Variants in FBXL17 observed in about 807,000 individuals in gnomAD.
FBXL17 encodes the protein F-box and leucine rich repeat protein 17, also known as F-box/LRR-repeat protein 17.
Under a neutral mutation model 66.2 loss-of-function variants are expected in FBXL17, and 22 were observed. The observed-to-expected ratio is 0.33, with a 90% CI of 0.24 to 0.47. The LOEUF (loss-of-function observed/expected upper bound fraction) is 0.47. Ranked by LOEUF, FBXL17 falls within the 20% of genes least tolerant of loss-of-function variation. FBXL17 has a pLI of 1.00. For missense variants in FBXL17, 878 were observed against 948.2 expected (o/e 0.93, Z 0.97); for synonymous variants, 474 against 400.5 (o/e 1.18, Z -2.19).
At chr5:108,196,892 T>C (rs78835317) in intron 5 of FBXL17, among the ~76,000 whole-genome samples, 2 of 152,220 alleles carry the variant, frequency 1.3e-5, no homozygotes, top group Non-Finnish European at 2.9e-5. Flanking sequence ...AACTTTTTTT[T>C]AAGAGCCTCT....
chr5:108,036,577 T>C (rs1746849539), intron 6 of FBXL17, among the ~76,000 whole-genome samples: 1 of 152,174 alleles, frequency 6.6e-6, no homozygotes, highest in Non-Finnish European at 1.5e-5. Flanking sequence ...CAAGCGCTTA[T>C]GTCTTCTCAT....
At chr5:108,162,320 T>G (rs1752246937) in intron 6 of FBXL17, among the ~76,000 whole-genome samples, 1 of 151,792 alleles carries the variant, frequency 6.6e-6, no homozygotes, top group African/African-American at 2.4e-5. Flanking sequence ...TAAGACTCCA[T>G]CTCCATAAAA....
intron 7 of FBXL17, among the ~76,000 whole-genome samples, chr5:107,894,281 G>C (rs1749299332): frequency 6.6e-6 from 1 of 152,176 alleles, no homozygotes; most frequent in Non-Finnish European, 1.5e-5. Flanking sequence ...ATGAGACAGG[G>C]AAGAAGCAGC....
At chr5:108,103,342 T>G (rs1749671839) in intron 6 of FBXL17, among the ~76,000 whole-genome samples, 1 of 152,354 alleles carries the variant, frequency 6.6e-6, no homozygotes, top group East Asian at 1.9e-4. Context: ...TGCTTTCCAG[T>G]GGCATAAAGA....
chr5:108,113,108 T>C (rs966740811), intron 6 of FBXL17, among the ~76,000 whole-genome samples: 4 of 152,216 alleles, frequency 2.6e-5, no homozygotes, highest in African/African-American at 9.6e-5. Flanking sequence ...GTCTTTCTCA[T>C]ACTTCTTACT....
chr5:107,878,575 C>G (rs1748684664), intron 8 of FBXL17: 19 of 978,948 alleles, frequency 1.9e-5, no homozygotes, highest in Non-Finnish European at 2.3e-5. Flanking sequence ...TCTCCGCAGA[C>G]CATACCGTTG....
intron 6 of FBXL17, among the ~76,000 whole-genome samples, chr5:108,090,236 T>C (rs1749138494): frequency 6.6e-6 from 1 of 152,242 alleles, no homozygotes; most frequent in Non-Finnish European, 1.5e-5. Context: ...TGACAAATTA[T>C]AGACATCTTA....
At chr5:108,183,105 A>G (rs1162258813) in intron 6 of FBXL17, among the ~76,000 whole-genome samples, 1 of 130,592 alleles carries the variant, frequency 7.7e-6, no homozygotes, top group Non-Finnish European at 1.5e-5. Context: ...CAATGGTGTG[A>G]TCTTGGCTCA....
chr5:107,866,601 C>T (rs1052938307), intron 8 of FBXL17, among the ~76,000 whole-genome samples: 4 of 152,172 alleles, frequency 2.6e-5, no homozygotes, highest in African/African-American at 4.8e-5. Flanking sequence ...TTATTAATTT[C>T]CGCAGAAAGT....
In FBXL17 at chr5:108,103,852, G is replaced by A. The variant is rs188729031; in HGVS notation, c.1745+82265C>T. 5.5e-3 allele frequency among the ~76,000 whole-genome samples: 832 copies of A among 152,130 alleles called. 4 individuals carry two copies. The highest frequency in any genetic ancestry group is 9.0e-3 in the Non-Finnish European group (612 of 67,988). ...CTCAAAAAGTCTCCCTTCATTTACC[G>A]TTTCTCTCAGTCCCCAACCAAGTCA... On this transcript the variant is annotated intron_variant, in intron 6 of 8. Transcript: ENST00000542267.
chr5:108,320,594 G>GA (rs1759572858), intron 4 of FBXL17, among the ~76,000 whole-genome samples: 1 of 151,648 alleles, frequency 6.6e-6, no homozygotes, highest in Admixed American at 6.6e-5. Flanking sequence ...AATGTTTTGA[G>GA]AATTTTACAT....
At chr5:108,242,185 T>A (rs776163289) in intron 4 of FBXL17, among the ~76,000 whole-genome samples, 4 of 152,168 alleles carry the variant, frequency 2.6e-5, no homozygotes, top group Non-Finnish European at 5.9e-5. Context: ...GACTAAAAGA[T>A]GAACTGATCA....
intron 8 of FBXL17, among the ~76,000 whole-genome samples, chr5:107,863,828 G>A (rs566193580): frequency 1.4e-4 from 22 of 152,142 alleles, no homozygotes; most frequent in African/African-American, 3.9e-4. Flanking sequence ...CCTTCTTCAG[G>A]GAAGCCCTCC....
chr5:108,224,413 A>T (rs1175656275), intron 4 of FBXL17, among the ~76,000 whole-genome samples, 185 bp from the exon 5 acceptor site: 3 of 151,932 alleles, frequency 2.0e-5, no homozygotes, highest in Admixed American at 2.0e-4. Context: ...TCTTGACCCT[A>T]CATCCACTTC....
At chr5:108,084,111 C>G (rs866090437) in intron 6 of FBXL17, among the ~76,000 whole-genome samples, 5 of 152,146 alleles carry the variant, frequency 3.3e-5, no homozygotes, top group African/African-American at 1.2e-4. Context: ...CTAACACTGA[C>G]CTTCCTCTTG....
Position 108,126,865 on chromosome 5 carries a change from T to A in FBXL17, c.1745+59252A>T, listed in dbSNP as rs988882495. Among the ~76,000 whole-genome samples, 4 of 151,668 alleles carry A rather than the reference T, an allele frequency of 2.6e-5. No homozygotes were observed. The East Asian group carries it at 7.7e-4, about 29-fold the overall frequency. On this transcript the variant is annotated intron_variant, in intron 6 of 8. Transcript: ENST00000542267. ...AAAGAAAAAGAAGAAAAAAATGCCATTGAGAGTCAAAAGAAAATATCGTGT... is the reference window on the plus strand; with the variant it reads ...AAAGAAAAAGAAGAAAAAAATGCCAATGAGAGTCAAAAGAAAATATCGTGT...
chr5:107,870,821 G>A (rs1328265009), intron 8 of FBXL17, among the ~76,000 whole-genome samples: 4 of 151,676 alleles, frequency 2.6e-5, no homozygotes, highest in Non-Finnish European at 4.4e-5. Context: ...TCCTGACCTC[G>A]TGATCTACCC....
chr5:108,361,682 G>A (rs921791511), intron 3 of FBXL17, among the ~76,000 whole-genome samples: 4 of 152,078 alleles, frequency 2.6e-5, no homozygotes, highest in Non-Finnish European at 4.4e-5. Flanking sequence ...AAAGAAGCTT[G>A]CTCAAAAGCA....
chr5:108,163,531 G>T (rs1389278714), intron 6 of FBXL17, among the ~76,000 whole-genome samples: 1 of 151,528 alleles, frequency 6.6e-6, no homozygotes, highest in African/African-American at 2.4e-5. Context: ...CTCCCGAGTA[G>T]CGGGGACTAC....
Sources: allele counts gnomAD v4.1 joint callset (sites outside exome capture counted in the v4.1 genomes callset), GRCh38; gene constraint gnomAD v4.1.1; transcripts MANE v1.5; gene names NCBI Gene and HGNC (gene_info 2026-07-23, HGNC 2026-07-21).